The following ZPBP variants were observed in gnomAD, a reference collection of about 807,000 sequenced individuals.
ZPBP encodes the protein zona pellucida-binding protein 1.
ZPBP carries 26 observed loss-of-function variants against 44.8 expected under a neutral mutation model. The observed-to-expected ratio is 0.58, with a 90% confidence interval of 0.43 to 0.81. ZPBP has a LOEUF of 0.81. Among genes scored for constraint, ZPBP ranks in the 30% least tolerant of loss-of-function variants. The pLI is 0.00. For synonymous variants in ZPBP, 174 were observed against 153.2 expected, an observed-to-expected ratio of 1.14 and a Z score of -1.00; for missense variants, 409 against 434.0, an observed-to-expected ratio of 0.94 and a Z score of 0.51.
chr7:49,841,872 C>CTT, the ZPBP span, among the ~76,000 whole-genome samples: 2 of 146,748 alleles, frequency 1.4e-5, no homozygotes, highest in African/African-American at 5.0e-5. Flanking sequence ...AAATTCAACT[C>CTT]TTTTTTTTTT....
intron 7 of ZPBP, among the ~76,000 whole-genome samples, chr7:49,975,438 T>A (rs559297262): frequency 1.7e-3 from 256 of 152,280 alleles, no homozygotes; most frequent in African/African-American, 5.9e-3. Context: ...TGGCCTGGAT[T>A]GCCTGGCTAC....
intron 6 of ZPBP, among the ~76,000 whole-genome samples, chr7:50,002,041 T>C (rs1476722174): frequency 6.6e-6 from 1 of 152,110 alleles, no homozygotes; most frequent in African/African-American, 2.4e-5. Context: ...TTTAATTTTT[T>C]GTAGAGACAG....
At chr7:50,054,674 T>C (rs533954714) in intron 4 of ZPBP, among the ~76,000 whole-genome samples, 71 of 152,180 alleles carry the variant, frequency 4.7e-4, no homozygotes, top group African/African-American at 1.5e-3. Context: ...CTCAACACAG[T>C]AAAAAACATG....
intron 3 of ZPBP, among the ~76,000 whole-genome samples, chr7:50,071,020 A>G (rs1801808043): frequency 6.6e-6 from 1 of 152,208 alleles, no homozygotes; most frequent in Non-Finnish European, 1.5e-5. Context: ...GGGTTTTCTT[A>G]CACACAACTA....
At chr7:50,072,383 A>G (rs1025282125) in intron 3 of ZPBP, among the ~76,000 whole-genome samples, 10 of 152,248 alleles carry the variant, frequency 6.6e-5, no homozygotes, top group African/African-American at 2.4e-4. Flanking sequence ...CTAGTCCCTG[A>G]ATCCCAGACA....
chr7:49,911,480 CAAA>C (rs34782644), intron 1 of ZPBP, among the ~76,000 whole-genome samples: 3 of 71,626 alleles, frequency 4.2e-5, no homozygotes, highest in Non-Finnish European at 2.5e-5. Flanking sequence ...GACTCTGTCT[CAAA>C]AAAAAAAAAA....
intron 4 of ZPBP, among the ~76,000 whole-genome samples, chr7:50,043,751 A>G (rs1169148827): frequency 6.6e-6 from 1 of 152,230 alleles, no homozygotes; most frequent in African/African-American, 2.4e-5. Flanking sequence ...AATATTAGAC[A>G]GATCAATGAG....
rs182600677 is a variant in ZPBP, at chr7:50,013,958, T to C, written c.783+4282A>G. On this transcript the variant is annotated intron_variant, in intron 6 of 7. Coordinates refer to ENST00000046087, the MANE Select transcript of ZPBP (RefSeq NM_007009.3). ...AAAAATATTAATCAATTATATATTA[T>C]CCTATCATCCTTTATCTATTTCTGT... 2.6e-4 allele frequency among the ~76,000 whole-genome samples: 39 copies of C among 152,244 alleles called. No individual in the cohort carries two copies. In the East Asian group the frequency reaches 4.8e-3, roughly 19 times the overall value.
intron 7 of ZPBP, among the ~76,000 whole-genome samples, chr7:49,937,872 T>C (rs982878596): frequency 2.0e-5 from 3 of 152,212 alleles, no homozygotes; most frequent in Non-Finnish European, 4.4e-5. Flanking sequence ...ATACCTCGTG[T>C]AAGTGGAATC....
intron 6 of ZPBP, among the ~76,000 whole-genome samples, chr7:49,986,036 G>A (rs1372460018): frequency 6.6e-6 from 1 of 152,054 alleles, no homozygotes; most frequent in African/African-American, 2.4e-5. Context: ...ATGTGTCCAT[G>A]CACCTAATTT....
At chr7:50,036,441 C>T (rs918420180) in intron 4 of ZPBP, among the ~76,000 whole-genome samples, 9 of 152,136 alleles carry the variant, frequency 5.9e-5, no homozygotes, top group Admixed American at 2.6e-4. Flanking sequence ...TAAGCCACCA[C>T]GCCTGGCCAA....
chr7:49,957,018 G>C (rs1430625415), intron 7 of ZPBP, among the ~76,000 whole-genome samples: 1 of 152,160 alleles, frequency 6.6e-6, no homozygotes, highest in East Asian at 1.9e-4. Flanking sequence ...ATTAGACCAT[G>C]AGGGCTTGGC....
intron 4 of ZPBP, among the ~76,000 whole-genome samples, chr7:50,050,567 A>G (rs1226276438): frequency 1.3e-5 from 2 of 152,046 alleles, no homozygotes; most frequent in Admixed American, 1.3e-4. Flanking sequence ...TAAAAGCAAT[A>G]AAAATCAACC....
chr7:50,057,401 A>C (rs771888278), intron 4 of ZPBP, among the ~76,000 whole-genome samples: 1 of 152,126 alleles, frequency 6.6e-6, no homozygotes, highest in Non-Finnish European at 1.5e-5. Context: ...TGAATCCTCA[A>C]AAACTCTTAG....
At chr7:49,912,981 C>G (rs1170323946) in intron 1 of ZPBP, 1 of 152,134 alleles carries the variant, frequency 6.6e-6, no homozygotes, top group East Asian at 1.9e-4. Flanking sequence ...CATTACTGTT[C>G]CATCAAGCTG....
intron 1 of ZPBP, among the ~76,000 whole-genome samples, chr7:49,903,321 A>G (rs1325384009): frequency 1.3e-5 from 2 of 152,230 alleles, no homozygotes; most frequent in Non-Finnish European, 1.5e-5. Flanking sequence ...ATAATAGCTC[A>G]AAACTGGAAA....
chr7:49,860,492 CA>C (rs1350156587), intron 2 of ZPBP, among the ~76,000 whole-genome samples: 1 of 152,186 alleles, frequency 6.6e-6, no homozygotes, highest in Non-Finnish European at 1.5e-5. Context: ...TTTGTTGCTC[CA>C]TTCATCTCTT....
At chr7:50,022,236 C>T (rs950875773) in intron 5 of ZPBP, among the ~76,000 whole-genome samples, 4 of 151,918 alleles carry the variant, frequency 2.6e-5, no homozygotes, top group Middle Eastern at 3.4e-3. Flanking sequence ...AAATATAAAA[C>T]GTAAATATAG....
intron 7 of ZPBP, chr7:49,940,755 C>A (rs1256841392): frequency 4.5e-5 from 44 of 985,086 alleles, no homozygotes; most frequent in Non-Finnish European, 5.1e-5. Flanking sequence ...CTGGAAGATT[C>A]CATCCTACAC....
Sources: gnomAD v4.1 joint callset for allele counts (sites outside exome capture counted in the v4.1 genomes callset) on GRCh38, gnomAD v4.1.1 for gene constraint, MANE v1.5 for transcripts, NCBI Gene and HGNC (gene_info 2026-07-23, HGNC 2026-07-21) for gene names.